The following LRIG1 variants were observed in gnomAD, a reference collection of about 807,000 sequenced individuals.
The protein encoded by LRIG1 is leucine rich repeats and immunoglobulin like domains 1.
LRIG1 carries 48 observed loss-of-function variants against 99.2 expected under a neutral mutation model. The ratio of observed to expected loss-of-function variants is 0.48; its 90% CI spans 0.38 to 0.62. LRIG1 has a LOEUF of 0.62. Among genes scored for constraint, LRIG1 ranks in the 20% least tolerant of loss-of-function variants. The probability of loss-of-function intolerance (pLI) is 0.00; values close to 1 mark genes in which losing one functional copy is unlikely to be tolerated. For synonymous variants in LRIG1, 772 were observed against 596.1 expected, an observed-to-expected ratio of 1.29 and a Z score of -4.30; for missense variants, 1,646 against 1,434.4, an observed-to-expected ratio of 1.15 and a Z score of -2.38.
intron 1 of LRIG1, among the ~76,000 whole-genome samples, chr3:66,493,875 AAGGG>A (rs561051639): frequency 2.8e-5 from 4 of 145,192 alleles, no homozygotes; most frequent in South Asian, 2.5e-4. Context: ...AAGAAAGACG[AAGGG>A]AGGGAGGGAG....
chr3:66,384,962 G>C (rs770091423), intron 13 of LRIG1, among the ~76,000 whole-genome samples: 1 of 152,206 alleles, frequency 6.6e-6, no homozygotes, highest in Admixed American at 6.5e-5. Flanking sequence ...AATAAGCCAA[G>C]ACAACCCCAC....
intron 10 of LRIG1, among the ~76,000 whole-genome samples, chr3:66,398,688 C>G (rs968259135): frequency 2.6e-5 from 4 of 152,166 alleles, no homozygotes; most frequent in African/African-American, 4.8e-5. Context: ...ATGAAGGAGC[C>G]AGTGCAGGGG....
rs752639958 is a variant in LRIG1, at chr3:66,383,055, C to G, written c.2418G>C (p.Leu806=). ...TGATGCACACCCAGACCAGTGACGT[C>G]AGGACGATGCTGCTCACGACAGCAA... ...FTIAVVSSIV[L]TSLVWVCIIY... The change falls in exon 15 of 19, where the codon CTG becomes CTC. Residue 806 remains leucine, a synonymous_variant. Transcript: ENST00000273261. 1.9e-6 allele frequency: 3 copies of G among 1,614,130 alleles called. No homozygotes were observed. In the East Asian group the frequency reaches 6.7e-5, roughly 36 times the overall value.
intron 3 of LRIG1, among the ~76,000 whole-genome samples, chr3:66,446,621 G>A (rs377097562): frequency 6.6e-6 from 1 of 151,846 alleles, no homozygotes; most frequent in African/African-American, 2.4e-5. Context: ...GGCCAGGCTG[G>A]TCTCGAACTC....
At chr3:66,396,906 C>T (rs1055422112) in intron 11 of LRIG1, among the ~76,000 whole-genome samples, 8 of 152,176 alleles carry the variant, frequency 5.3e-5, no homozygotes, top group South Asian at 2.1e-4. Flanking sequence ...TTCCCTTCCA[C>T]GGTGGTCTGG....
intron 17 of LRIG1, 134 bp from the exon 18 acceptor site, chr3:66,380,995 T>C (rs889488006): frequency 1.2e-6 from 1 of 821,340 alleles, no homozygotes; most frequent in Admixed American, 2.7e-5. Flanking sequence ...TGCTTCCTCT[T>C]TTCCCCAACT....
At chr3:66,441,575 AAG>A (rs1703540609) in intron 3 of LRIG1, among the ~76,000 whole-genome samples, 1 of 152,220 alleles carries the variant, frequency 6.6e-6, no homozygotes, top group South Asian at 2.1e-4. Flanking sequence ...TCGGGTCAGA[AAG>A]AGGCTTTTAA....
At chr3:66,456,425 T>A (rs141872762) in intron 2 of LRIG1, among the ~76,000 whole-genome samples, 125 of 152,038 alleles carry the variant, frequency 8.2e-4, no homozygotes, top group Non-Finnish European at 1.5e-3. Context: ...TACAAAAAAT[T>A]AGCCAGGAGT....
chr3:66,442,675 C>T (rs1703582839), intron 3 of LRIG1, among the ~76,000 whole-genome samples: 1 of 151,996 alleles, frequency 6.6e-6, no homozygotes, highest in Non-Finnish European at 1.5e-5. Context: ...GGGAGCAACC[C>T]GGGTCCCCAG....
chr3:66,388,106 CAAAAAAAAAAAAA>C (rs34227936), intron 12 of LRIG1: 13 of 53,640 alleles, frequency 2.4e-4, no homozygotes, highest in African/African-American at 2.8e-4. Context: ...GACTCTGTCT[CAAAAAAAAAAAAA>C]AAAAAAAAAA....
At position 66,388,910 on chromosome 3, in the gene LRIG1, C is replaced by T. The variant is rs559065222; in HGVS notation, c.1469-2609G>A. On this transcript the variant is annotated intron_variant, in intron 12 of 18. Transcript: ENST00000273261. ...AAGGACATCATATAGCAACTCCAAT[C>T]CACACCAAGAAATAAAAAATCCCAT... 2.6e-5 allele frequency among the ~76,000 whole-genome samples: 4 copies of T among 152,188 alleles called. No homozygotes were observed. The South Asian group carries it at 8.3e-4, about 32-fold the overall frequency.
rs1275320405 is a variant in LRIG1, at chr3:66,462,494, G to C, written c.234C>G (p.Asn78Lys). The stretch of plus-strand genomic sequence containing the variant: ...CAGCAGGGTCAATCTCAGAGAGTTT[G>C]TTGTAACTCAGGTTTCTGGTAAAGA... Reference protein sequence around the residue: ...SWTRSLNLSYNKLSEIDPAGF... With the variant: ...SWTRSLNLSYKKLSEIDPAGF... Residue 78 changes from asparagine (N) to lysine (K), a missense_variant, in exon 2 of 19, where the codon AAC becomes AAG. Transcript: ENST00000273261. 6.2e-7 allele frequency: 1 copy of C among 1,611,744 alleles called. No individual in the cohort carries two copies. Among genetic ancestry groups the C allele is most frequent in the African/African-American group, 1.3e-5 (1 of 74,836 alleles).
chr3:66,486,994 T>C (rs1490180671), intron 1 of LRIG1, among the ~76,000 whole-genome samples: 1 of 152,212 alleles, frequency 6.6e-6, no homozygotes, highest in Non-Finnish European at 1.5e-5. Flanking sequence ...TAGATCTGCT[T>C]TGCTCAACAA....
rs911080817 is a variant in LRIG1, at chr3:66,381,577, G to C, written c.2672C>G (p.Ala891Gly). The change falls in exon 17 of 19, where the codon GCC (alanine) becomes GGC (glycine). Residue 891 changes from alanine (A) to glycine (G), a missense_variant. Physicochemically the swap from Ala to Gly is moderately conservative, Grantham distance 60 (BLOSUM62 0). Coordinates refer to ENST00000273261, the MANE Select transcript of LRIG1 (RefSeq NM_015541.3). ...HFPEPDTHSV[A>G]CRQPKLCAGS... is the part of the protein sequence containing the mutation. ...AGCACAGAGCTTTGGCTGCCTGCAG[G>C]CAACGCTGTGAGTGTCGGGCTCTGG... The C allele has an allele frequency of 9.9e-6, 16 of 1,613,972 alleles. No individual in the cohort carries two copies. Among genetic ancestry groups the C allele is most frequent in the Non-Finnish European group, 1.4e-5 (16 of 1,179,960 alleles).
intron 1 of LRIG1, among the ~76,000 whole-genome samples, chr3:66,482,700 T>C (rs1700878647): frequency 1.3e-5 from 2 of 152,208 alleles, no homozygotes; most frequent in Admixed American, 1.3e-4. Flanking sequence ...AGGATGTCTA[T>C]CAAAGCTTAG....
At chr3:66,457,045 C>A (rs1700243188) in intron 2 of LRIG1, among the ~76,000 whole-genome samples, 1 of 152,156 alleles carries the variant, frequency 6.6e-6, no homozygotes, top group African/African-American at 2.4e-5. Context: ...CGCCTTCTCT[C>A]TCCAGCCGGC....
intron 1 of LRIG1, among the ~76,000 whole-genome samples, chr3:66,471,683 C>G (rs796141728): frequency 2.0e-5 from 3 of 152,336 alleles, no homozygotes; most frequent in African/African-American, 7.2e-5. Flanking sequence ...TCTACTGCGG[C>G]AGAAAACGGA....
intron 10 of LRIG1, 85 bp downstream of exon 10, chr3:66,398,885 A>G: frequency 9.1e-7 from 1 of 1,103,742 alleles, no homozygotes. Flanking sequence ...TCAGTTTACA[A>G]AGATGCGATT....
chr3:66,454,584 G>A (rs1476290081), intron 2 of LRIG1, among the ~76,000 whole-genome samples: 4 of 152,042 alleles, frequency 2.6e-5, no homozygotes, highest in African/African-American at 4.8e-5. Context: ...TCTCTGAAAC[G>A]TCTGGTCTCT....
Sources: allele counts gnomAD v4.1 joint callset (sites outside exome capture counted in the v4.1 genomes callset), GRCh38; gene constraint gnomAD v4.1.1; transcripts MANE v1.5; gene names NCBI Gene and HGNC (gene_info 2026-07-23, HGNC 2026-07-21).